Variants in EPHA7 observed in about 807,000 individuals in gnomAD.
EPHA7 encodes EPH receptor A7, also known as ephrin type-A receptor 7.
A neutral mutation model predicts 112.6 loss-of-function variants in EPHA7; 25 were observed. That is an observed-to-expected ratio of 0.22 (90% CI 0.16 to 0.31). EPHA7 has a LOEUF of 0.31. EPHA7 is among the 10% of genes least tolerant of loss of function. The pLI, the probability that EPHA7 is intolerant of heterozygous loss-of-function variation, is 1.00. For missense variants in EPHA7, 962 were observed against 1,212.6 expected (o/e 0.79, Z 3.07); for synonymous variants, 437 against 406.5 (o/e 1.07, Z -0.90).
intron 14 of EPHA7, among the ~76,000 whole-genome samples, chr6:93,248,835 C>T (rs1291064675): frequency 6.6e-6 from 1 of 152,110 alleles, no homozygotes; most frequent in Non-Finnish European, 1.5e-5. Context: ...CTCTTATATA[C>T]ACAATTAGTC....
intron 3 of EPHA7, among the ~76,000 whole-genome samples, chr6:93,398,717 C>G (rs1022541378): frequency 6.6e-6 from 1 of 152,040 alleles, no homozygotes; most frequent in Non-Finnish European, 1.5e-5. Context: ...TGAAAATCAA[C>G]AAGAGAGCTG....
At chr6:93,394,970 A>AT (rs1238250176) in intron 3 of EPHA7, among the ~76,000 whole-genome samples, 2 of 151,818 alleles carry the variant, frequency 1.3e-5, no homozygotes, top group Non-Finnish European at 2.9e-5. Context: ...AATACTTAAT[A>AT]TTTTTTATGT....
intron 3 of EPHA7, among the ~76,000 whole-genome samples, chr6:93,398,870 T>C (rs1214986479): frequency 6.6e-6 from 1 of 152,094 alleles, no homozygotes; most frequent in Non-Finnish European, 1.5e-5. Flanking sequence ...GTAAAGAACA[T>C]GTGCTAAATA....
intron 5 of EPHA7, among the ~76,000 whole-genome samples, chr6:93,285,685 C>T (rs1772026309): frequency 2.0e-5 from 3 of 152,032 alleles, no homozygotes; most frequent in African/African-American, 7.2e-5. Flanking sequence ...TATCTCTTAG[C>T]CAAGGACAGA....
intron 14 of EPHA7, 127 bp from the exon 15 acceptor site, chr6:93,247,112 T>A: frequency 1.2e-6 from 1 of 840,586 alleles, no homozygotes; most frequent in Non-Finnish European, 1.7e-6. Context: ...AAGACTTACT[T>A]TTTTCCCAAA....
intron 5 of EPHA7, among the ~76,000 whole-genome samples, chr6:93,314,069 G>GT (rs550705305): frequency 1.0e-3 from 148 of 147,984 alleles, no homozygotes; most frequent in Middle Eastern, 3.5e-3. Flanking sequence ...CTTTTCTCCT[G>GT]TTTTTTTTTC....
chr6:93,349,482 T>C (rs1775577758), intron 5 of EPHA7, among the ~76,000 whole-genome samples: 1 of 151,932 alleles, frequency 6.6e-6, no homozygotes, highest in Admixed American at 6.6e-5. Flanking sequence ...ATTCGATTGA[T>C]TCTCTGCTGC....
intron 3 of EPHA7, among the ~76,000 whole-genome samples, chr6:93,367,765 G>GT (rs1356051719): frequency 6.6e-6 from 1 of 152,080 alleles, no homozygotes; most frequent in Non-Finnish European, 1.5e-5. Flanking sequence ...AGATTGTTAT[G>GT]AATTACAGTG....
intron 5 of EPHA7, among the ~76,000 whole-genome samples, chr6:93,314,540 T>C (rs1482443992): frequency 6.6e-6 from 1 of 152,118 alleles, no homozygotes; most frequent in Non-Finnish European, 1.5e-5. Flanking sequence ...GCAGAGCTCT[T>C]AGTTCAACGA....
At position 93,377,522 on chromosome 6, in the gene EPHA7, GT is replaced by G. The variant is rs542017434; in HGVS notation, c.833-19112del. 2.0e-3 allele frequency among the ~76,000 whole-genome samples: 264 copies of G among 135,320 alleles called. 3 individuals carry two copies. Among genetic ancestry groups the G allele is most frequent in the African/African-American group, 7.2e-3 (259 of 35,926 alleles). 88.8% of individuals were successfully genotyped at this position (135,320 alleles called of 152,430 possible). ...TGGAAATTAACTTTGAAATAATTCTGTAAAATAAGAAAAAAGCTTTGAAAAA... is the reference window on the plus strand; with the variant it reads ...TGGAAATTAACTTTGAAATAATTCTGAAAATAAGAAAAAAGCTTTGAAAAA... On this transcript the variant is annotated intron_variant, in intron 3 of 16. Coordinates refer to ENST00000369303, the MANE Select transcript of EPHA7 (RefSeq NM_004440.4).
Position 93,352,482 on chromosome 6 carries a change from C to G in EPHA7, c.1324+4235G>C, listed in dbSNP as rs569851802. 9.9e-5 allele frequency among the ~76,000 whole-genome samples: 15 copies of G among 152,212 alleles called. No homozygotes were observed. The East Asian group carries it at 2.7e-3, about 28-fold the overall frequency. The stretch of plus-strand genomic sequence containing the variant: ...CATCCATTCTGAAACTCTAGACTGA[C>G]TAACATCTTTTATGGAAGGGCTTTC... On this transcript the variant is annotated intron_variant, in intron 5 of 16. Coordinates refer to ENST00000369303, the MANE Select transcript of EPHA7 (RefSeq NM_004440.4).
intron 4 of EPHA7, 33 bp from the exon 5 acceptor site, chr6:93,357,085 C>G: frequency 6.8e-7 from 1 of 1,471,778 alleles, no homozygotes; most frequent in Non-Finnish European, 9.2e-7. Flanking sequence ...AGTAAATAAG[C>G]AAAAATAGAA....
At chr6:93,247,581 C>T (rs1034230091) in intron 14 of EPHA7, among the ~76,000 whole-genome samples, 1 of 152,094 alleles carries the variant, frequency 6.6e-6, no homozygotes, top group African/African-American at 2.4e-5. Flanking sequence ...ACTCCAAGTT[C>T]CCTTACCTTA....
intron 3 of EPHA7, among the ~76,000 whole-genome samples, chr6:93,385,978 C>T (rs953369801): frequency 6.6e-6 from 1 of 152,074 alleles, no homozygotes; most frequent in African/African-American, 2.4e-5. Context: ...CATAAGAACT[C>T]ATTTACTATC....
chr6:93,277,496 A>G (rs1318980081), intron 5 of EPHA7, among the ~76,000 whole-genome samples: 2 of 151,976 alleles, frequency 1.3e-5, no homozygotes, highest in African/African-American at 2.4e-5. Flanking sequence ...AGCTAAAAAA[A>G]TAAGTACAGG....
At chr6:93,365,177 T>C (rs1223920207) in intron 3 of EPHA7, among the ~76,000 whole-genome samples, 1 of 152,170 alleles carries the variant, frequency 6.6e-6, no homozygotes, top group East Asian at 1.9e-4. Context: ...GAATTATGTA[T>C]GTCTGTGTGT....
At chr6:93,259,254 T>C (rs1436657314) in intron 10 of EPHA7, 100 bp downstream of exon 10, 9 of 1,462,040 alleles carry the variant, frequency 6.2e-6, no homozygotes, top group Non-Finnish European at 8.4e-6. Flanking sequence ...AATGCAAAAG[T>C]TCTATACTTG....
chr6:93,266,918 T>C (rs1176877392), intron 7 of EPHA7, among the ~76,000 whole-genome samples: 1 of 151,794 alleles, frequency 6.6e-6, no homozygotes, highest in Non-Finnish European at 1.5e-5. Context: ...AAGAGTAGTC[T>C]GGAAAACTCT....
At chr6:93,343,695 C>T (rs1238688414) in intron 5 of EPHA7, among the ~76,000 whole-genome samples, 2 of 151,354 alleles carry the variant, frequency 1.3e-5, no homozygotes, top group Non-Finnish European at 3.0e-5. Context: ...GAAAAATGGT[C>T]GAAAAAAGAG....
Sources: gnomAD v4.1 joint callset for allele counts (sites outside exome capture counted in the v4.1 genomes callset) on GRCh38, gnomAD v4.1.1 for gene constraint, MANE v1.5 for transcripts, NCBI Gene and HGNC (gene_info 2026-07-23, HGNC 2026-07-21) for gene names.